Variants in CYP3A43 observed in about 807,000 individuals in gnomAD.
CYP3A43 encodes the protein cytochrome P450 family 3 subfamily A member 43.
CYP3A43 carries 45 observed loss-of-function variants against 58.0 expected under a neutral mutation model. The ratio of observed to expected loss-of-function variants is 0.78; its 90% CI spans 0.61 to 0.99. The LOEUF (loss-of-function observed/expected upper bound fraction) is 0.99. CYP3A43 is among the 50% of genes least tolerant of loss of function. CYP3A43 has a pLI of 0.00. For synonymous variants in CYP3A43, 191 were observed against 201.4 expected, an observed-to-expected ratio of 0.95 and a Z score of 0.44; for missense variants, 593 against 591.9, an observed-to-expected ratio of 1.00 and a Z score of -0.02.
At chr7:99,838,939 C>A in intron 2 of CYP3A43, 181 bp from the exon 3 acceptor site, 1 of 697,602 alleles carries the variant, frequency 1.4e-6, no homozygotes, top group Non-Finnish European at 2.3e-6. Flanking sequence ...AAGATCGCAC[C>A]ATTGCACTCC....
At chr7:99,857,605 G>A (rs1818033451) in intron 9 of CYP3A43, among the ~76,000 whole-genome samples, 1 of 152,178 alleles carries the variant, frequency 6.6e-6, no homozygotes, top group Non-Finnish European at 1.5e-5. Flanking sequence ...CACTTTGGGA[G>A]GCCGAGGCAG....
At chr7:99,853,639 C>T (rs1205023816) in intron 7 of CYP3A43, among the ~76,000 whole-genome samples, 2 of 152,174 alleles carry the variant, frequency 1.3e-5, no homozygotes, top group African/African-American at 4.8e-5. Flanking sequence ...TCACTGCAAC[C>T]TCCACCTCCT....
At chr7:99,860,467 G>A (rs1444841843) in intron 10 of CYP3A43, among the ~76,000 whole-genome samples, 1 of 152,116 alleles carries the variant, frequency 6.6e-6, no homozygotes, top group East Asian at 1.9e-4. Context: ...TAGGACCCAG[G>A]GTGCCTGACG....
At chr7:99,865,776 G>A (rs1357492621) in intron 12 of CYP3A43, 130 bp from the exon 13 acceptor site, 1 of 548,514 alleles carries the variant, frequency 1.8e-6, no homozygotes, top group African/African-American at 2.2e-5. Flanking sequence ...AAACCAACAT[G>A]TATGGTGCTG....
intron 1 of CYP3A43, among the ~76,000 whole-genome samples, chr7:99,828,467 C>A (rs1002548256): frequency 2.6e-5 from 4 of 152,012 alleles, no homozygotes; most frequent in Non-Finnish European, 5.9e-5. Context: ...TCAAGACCAG[C>A]CAGACCAACA....
intron 3 of CYP3A43, among the ~76,000 whole-genome samples, chr7:99,842,022 G>A (rs945185281): frequency 3.9e-5 from 6 of 152,118 alleles, no homozygotes; most frequent in Admixed American, 3.3e-4. Flanking sequence ...AAAATAGTGG[G>A]AGCCTTTGAA....
chr7:99,832,248 A>T (rs921826247), intron 1 of CYP3A43, among the ~76,000 whole-genome samples: 9 of 129,166 alleles, frequency 7.0e-5, no homozygotes, highest in Non-Finnish European at 1.1e-4. Flanking sequence ...TTCAAAAGAT[A>T]AAAAAAAAAA....
intron 1 of CYP3A43, among the ~76,000 whole-genome samples, chr7:99,830,215 C>CCCT (rs1297606405): frequency 1.3e-5 from 2 of 152,106 alleles, no homozygotes; most frequent in African/African-American, 4.8e-5. Context: ...CCTATAATCT[C>CCCT]ATGAAAAAGA....
chr7:99,863,182 C>T (rs1252164906), intron 11 of CYP3A43, among the ~76,000 whole-genome samples: 1 of 152,192 alleles, frequency 6.6e-6, no homozygotes, highest in Non-Finnish European at 1.5e-5. Flanking sequence ...CCACCACAAT[C>T]CTCTCTGTGA....
intron 9 of CYP3A43, among the ~76,000 whole-genome samples, chr7:99,858,988 T>C (rs1818111256): frequency 6.6e-6 from 1 of 152,146 alleles, no homozygotes; most frequent in Non-Finnish European, 1.5e-5. Context: ...TGCACCACTG[T>C]GCCCAGCCTG....
intron 1 of CYP3A43, among the ~76,000 whole-genome samples, chr7:99,832,346 G>A (rs1816878574): frequency 6.6e-6 from 1 of 151,962 alleles, no homozygotes; most frequent in African/African-American, 2.4e-5. Context: ...AAGGGACCTG[G>A]TGGGAGGAAT....
At chr7:99,843,118 A>G (rs1326880421) in intron 3 of CYP3A43, among the ~76,000 whole-genome samples, 1 of 152,146 alleles carries the variant, frequency 6.6e-6, no homozygotes, top group African/African-American at 2.4e-5. Flanking sequence ...TATATAACTG[A>G]CTTTTTCCTC....
rs1349421012 is a variant in CYP3A43, at chr7:99,865,974, A to G, written c.1485A>G (p.Leu495=). ...PEKPIVLKVH[L]RDGITSGP is the part of the protein sequence containing the mutation. ...AACCTATTGTTCTAAAAGTGCACTT[A>G]AGAGATGGGATTACAAGTGGACCCT... Residue 495 remains leucine (L), a synonymous_variant, in exon 13 of 13, where the codon TTA becomes TTG. Coordinates refer to ENST00000354829, the MANE Select transcript of CYP3A43 (RefSeq NM_057095.3). The G allele has an allele frequency of 6.2e-7, 1 of 1,606,782 alleles. No individual in the cohort carries two copies. The highest frequency in any genetic ancestry group is 8.5e-7 in the Non-Finnish European group (1 of 1,176,632).
chr7:99,864,062 C>G (rs1818352134), intron 12 of CYP3A43, among the ~76,000 whole-genome samples: 1 of 148,572 alleles, frequency 6.7e-6, no homozygotes, highest in Non-Finnish European at 1.5e-5. Context: ...ATGGTGCTCT[C>G]CTCCACTAGA....
chr7:99,856,966 T>C, intron 9 of CYP3A43, 67 bp downstream of exon 9: 3 of 1,532,012 alleles, frequency 2.0e-6, no homozygotes, highest in Non-Finnish European at 2.7e-6. Context: ...GTTCTGAAAA[T>C]GTGCAGAAAG....
chr7:99,838,642 A>C, intron 2 of CYP3A43: 1 of 1,282,174 alleles, frequency 7.8e-7, no homozygotes, highest in Non-Finnish European at 1.0e-6. Context: ...TCTCCATTTC[A>C]AATATCTTCT....
chr7:99,859,776 C>T, intron 9 of CYP3A43, 54 bp from the exon 10 acceptor site: 2 of 1,604,340 alleles, frequency 1.2e-6, no homozygotes, highest in Non-Finnish European at 1.7e-6. Context: ...TTCATCTAAA[C>T]TGTGATGCTC....
rs373166045 is a variant in CYP3A43 at position 99,847,611 on chromosome 7, T to C, written c.432+10T>C. On this transcript the variant is annotated intron_variant, in intron 5 of 12. Coordinates refer to ENST00000354829, the MANE Select transcript of CYP3A43 (RefSeq NM_057095.3). Reference sequence around the variant, plus strand: ...TGTAAAATTCAAGGAAGTAAGAAAATAAGGTGATTTATAATTAGAAACTTA... The same window carrying C: ...TGTAAAATTCAAGGAAGTAAGAAAACAAGGTGATTTATAATTAGAAACTTA... 6.2e-7 allele frequency: 1 copy of C among 1,613,108 alleles called. No individual in the cohort carries two copies. Among genetic ancestry groups the C allele is most frequent in the African/African-American group, 1.3e-5 (1 of 74,994 alleles).
At chr7:99,837,318 CAAAAAAA>C (rs35566033) in intron 2 of CYP3A43, among the ~76,000 whole-genome samples, 2 of 66,700 alleles carry the variant, frequency 3.0e-5, no homozygotes, top group South Asian at 5.9e-4. Context: ...GACTGTGTCT[CAAAAAAA>C]AAAAAAAAAA....
Sources: allele counts gnomAD v4.1 joint callset (sites outside exome capture counted in the v4.1 genomes callset), GRCh38; gene constraint gnomAD v4.1.1; transcripts MANE v1.5; gene names NCBI Gene and HGNC (gene_info 2026-07-23, HGNC 2026-07-21).